HYDIN: variants seen among roughly 807,000 people sequenced by gnomAD.
HYDIN encodes the protein axonemal central pair apparatus protein HYDIN.
Under a neutral mutation model 403.9 loss-of-function variants are expected in HYDIN, and 132 were observed. That is an observed-to-expected ratio of 0.33 (90% CI 0.28 to 0.38). The LOEUF is 0.38. Among genes scored for constraint, HYDIN ranks in the 10% least tolerant of loss-of-function variants. The pLI is 1.00. For missense variants in HYDIN, 2,827 were observed against 5,009.5 expected, an observed-to-expected ratio of 0.56 and a Z score of 13.15; for synonymous variants, 1,202 against 1,891.7, an observed-to-expected ratio of 0.64 and a Z score of 9.46.
intron 18 of HYDIN, among the ~76,000 whole-genome samples, chr16:71,056,305 T>G (rs1193878339): frequency 1.3e-5 from 2 of 151,974 alleles, no homozygotes; most frequent in African/African-American, 2.4e-5. Context: ...ACTAATCAAC[T>G]TTTTTTACAC....
In HYDIN at chr16:70,837,816, G is replaced by C; in HGVS notation, c.13116C>G (p.Asn4372Lys). ...NSRVDVVKPG[N>K]TLEIPITFYP... ...AAAAAGTTATTGGAATCTCCAATGT[G>C]TTTCCTGGCTTTACCACATCAACAC... Residue 4372 changes from asparagine to lysine, a missense_variant, in exon 77 of 86, where the codon AAC (asparagine) becomes AAG (lysine). Asn to Lys is a moderately conservative substitution (Grantham distance 94). Transcript: ENST00000393567. The C allele has an allele frequency of 6.2e-7, 1 of 1,613,996 alleles. No individual in the cohort carries two copies. Among genetic ancestry groups the C allele is most frequent in the Non-Finnish European group, 8.5e-7 (1 of 1,179,864 alleles).
chr16:70,922,688 T>C (rs1408848399), intron 45 of HYDIN, among the ~76,000 whole-genome samples: 2 of 151,198 alleles, frequency 1.3e-5, no homozygotes, highest in African/African-American at 2.4e-5. Flanking sequence ...GAGTAGAAAA[T>C]ATTTAGAATT....
chr16:70,897,180 A>G (rs541949085), intron 53 of HYDIN, among the ~76,000 whole-genome samples: 1 of 152,308 alleles, frequency 6.6e-6, no homozygotes, highest in South Asian at 2.1e-4. Flanking sequence ...CCCATCAAAA[A>G]GTGGGTAAAT....
At position 71,060,419 on chromosome 16, in the gene HYDIN, T is replaced by C; in HGVS notation, c.2529+85A>G. ...ACATAACCATGCAAATCTCTGCTTC[T>C]GGTGATCATTTTCAAAGACATGTTG... On this transcript the variant is annotated intron_variant, in intron 18 of 85. Transcript: ENST00000393567. 3 of 605,242 alleles carry C rather than the reference T, an allele frequency of 5.0e-6. No homozygotes were observed. The South Asian group carries it at 6.2e-5, about 12-fold the overall frequency. The allele number at this position is 605,242 out of a possible 1,614,324, so 37.5% of individuals were successfully genotyped here. A position where few individuals can be genotyped will look rare whatever the true frequency, so the allele number is the denominator to read the frequency against.
At chr16:71,053,463 G>C (rs2081737209) in intron 18 of HYDIN, among the ~76,000 whole-genome samples, 2 of 152,122 alleles carry the variant, frequency 1.3e-5, no homozygotes, top group African/African-American at 4.8e-5. Context: ...GTGGTAAATG[G>C]AGTATCCACA....
At chr16:71,049,481 T>C (rs1336865642) in intron 18 of HYDIN, among the ~76,000 whole-genome samples, 5 of 152,142 alleles carry the variant, frequency 3.3e-5, no homozygotes, top group Admixed American at 2.6e-4. Context: ...TCTGGATTAG[T>C]GGTCACTGTC....
intron 15 of HYDIN, among the ~76,000 whole-genome samples, chr16:71,065,715 A>C (rs936963974): frequency 5.3e-5 from 8 of 152,220 alleles, no homozygotes; most frequent in African/African-American, 1.9e-4. Context: ...TTGGCATTAT[A>C]AACTCTTCTT....
chr16:71,074,142 G>C (rs2082555432), intron 13 of HYDIN, among the ~76,000 whole-genome samples: 1 of 152,070 alleles, frequency 6.6e-6, no homozygotes, highest in Non-Finnish European at 1.5e-5. Flanking sequence ...ACTTTAGTTA[G>C]CTTAATGTAT....
At chr16:70,902,794 AATATATATATATAT>A (rs1264288990) in intron 52 of HYDIN, among the ~76,000 whole-genome samples, 10,992 of 60,956 alleles carry the variant, frequency 0.18, 723 homozygotes, top group Admixed American at 0.23. Flanking sequence ...CTACTCTTTA[AATATATATATATAT>A]ATATATATAT....
At chr16:71,178,428 A>ATAT (rs1555501875) in intron 4 of HYDIN, among the ~76,000 whole-genome samples, 2 of 115,614 alleles carry the variant, frequency 1.7e-5, no homozygotes, top group Admixed American at 8.4e-5. Flanking sequence ...TCAAAAAAAA[A>ATAT]AAAAAAATAT....
intron 9 of HYDIN, among the ~76,000 whole-genome samples, 192 bp downstream of exon 9, chr16:71,129,448 T>C (rs1414502901): frequency 6.6e-6 from 1 of 152,232 alleles, no homozygotes; most frequent in Non-Finnish European, 1.5e-5. Flanking sequence ...AATTGTGACC[T>C]ATATATGTGT....
At chr16:71,036,128 A>T (rs2081079084) in intron 18 of HYDIN, among the ~76,000 whole-genome samples, 1 of 152,164 alleles carries the variant, frequency 6.6e-6, no homozygotes, top group South Asian at 2.1e-4. Flanking sequence ...CAGATCTCAG[A>T]TTTTGAAAGG....
chr16:71,215,550 G>A (rs1415606302), intron 1 of HYDIN, among the ~76,000 whole-genome samples: 2 of 145,822 alleles, frequency 1.4e-5, no homozygotes, highest in Admixed American at 7.0e-5. Context: ...CGTAAATCCT[G>A]TAATCAATCT....
intron 50 of HYDIN, among the ~76,000 whole-genome samples, chr16:70,905,611 T>C (rs1481867254): frequency 1.7e-5 from 2 of 116,492 alleles, no homozygotes; most frequent in Non-Finnish European, 1.7e-5. Flanking sequence ...CCAGCCTGGG[T>C]GACGGAGTAA....
intron 5 of HYDIN, among the ~76,000 whole-genome samples, chr16:71,172,346 A>G (rs1225173899): frequency 6.6e-6 from 1 of 152,190 alleles, no homozygotes; most frequent in Non-Finnish European, 1.5e-5. Flanking sequence ...TTCCCACAAA[A>G]GCCTAATATT....
chr16:70,972,642 C>T (rs1468549992), intron 35 of HYDIN, among the ~76,000 whole-genome samples: 1 of 152,046 alleles, frequency 6.6e-6, no homozygotes, highest in Non-Finnish European at 1.5e-5. Flanking sequence ...CAATACTGTG[C>T]ATTTAATCTT....
At chr16:71,209,836 G>A (rs1459723124) in intron 1 of HYDIN, among the ~76,000 whole-genome samples, 1 of 152,118 alleles carries the variant, frequency 6.6e-6, no homozygotes, top group Non-Finnish European at 1.5e-5. Context: ...CCAGGGAGGT[G>A]AAAATCTCTA....
intron 83 of HYDIN, among the ~76,000 whole-genome samples, chr16:70,822,023 A>G (rs977171667): frequency 5.3e-5 from 8 of 152,194 alleles, no homozygotes; most frequent in African/African-American, 1.9e-4. Flanking sequence ...TGCTAACACA[A>G]CATCTACTCT....
intron 62 of HYDIN, 65 bp downstream of exon 62, chr16:70,879,232 G>C: frequency 7.7e-6 from 10 of 1,297,464 alleles, no homozygotes; most frequent in Non-Finnish European, 1.1e-5. Context: ...AGAGGCCCCA[G>C]TGGCAGAAGT....
Sources: allele counts gnomAD v4.1 joint callset (sites outside exome capture counted in the v4.1 genomes callset), GRCh38; gene constraint gnomAD v4.1.1; transcripts MANE v1.5; gene names NCBI Gene and HGNC (gene_info 2026-07-23, HGNC 2026-07-21).